The following ZBTB7C variants were observed in gnomAD, a reference collection of about 807,000 sequenced individuals.
The protein encoded by ZBTB7C is zinc finger and BTB domain-containing protein 7C.
Under a neutral mutation model 25.7 loss-of-function variants are expected in ZBTB7C, and 8 were observed. The observed-to-expected ratio is 0.31, with a 90% CI of 0.18 to 0.56. The LOEUF (loss-of-function observed/expected upper bound fraction) is 0.56, where lower values mean the gene tolerates loss of function less well. Ranked by LOEUF, ZBTB7C falls within the 20% of genes least tolerant of loss-of-function variation. The pLI, the probability that ZBTB7C is intolerant of heterozygous loss-of-function variation, is 0.91. For missense variants in ZBTB7C, 824 were observed against 855.2 expected, an observed-to-expected ratio of 0.96 and a Z score of 0.46; for synonymous variants, 394 against 369.0, an observed-to-expected ratio of 1.07 and a Z score of -0.78.
At chr18:48,116,126 G>A (rs988191185) in intron 3 of ZBTB7C, among the ~76,000 whole-genome samples, 18 of 151,898 alleles carry the variant, frequency 1.2e-4, no homozygotes, top group African/African-American at 1.4e-4. Context: ...CCTCTACACC[G>A]TCCCCCACCC....
intron 3 of ZBTB7C, among the ~76,000 whole-genome samples, chr18:48,144,045 A>C (rs534388663): frequency 6.6e-6 from 1 of 152,288 alleles, no homozygotes; most frequent in African/African-American, 2.4e-5. Context: ...TGGGAGGCCG[A>C]GGTGGGCGGA....
chr18:48,091,492 G>T (rs1390023142), intron 3 of ZBTB7C, among the ~76,000 whole-genome samples: 1 of 152,012 alleles, frequency 6.6e-6, no homozygotes, highest in Non-Finnish European at 1.5e-5. Context: ...CAGAACTTGG[G>T]GTGTTCACAT....
intron 1 of ZBTB7C, among the ~76,000 whole-genome samples, chr18:48,343,534 C>T (rs982062207): frequency 6.6e-6 from 1 of 152,216 alleles, no homozygotes; most frequent in Non-Finnish European, 1.5e-5. Context: ...CTGGAGGCCG[C>T]ATTGCTGGCT....
intron 1 of ZBTB7C, among the ~76,000 whole-genome samples, chr18:48,400,222 C>T (rs1357393971): frequency 5.3e-5 from 8 of 152,206 alleles, no homozygotes; most frequent in Non-Finnish European, 1.2e-4. Flanking sequence ...TTTGTAAGGA[C>T]ATCCTTTCAA....
At chr18:48,206,480 C>T (rs1233956934) in intron 2 of ZBTB7C, among the ~76,000 whole-genome samples, 2 of 151,924 alleles carry the variant, frequency 1.3e-5, no homozygotes, top group African/African-American at 4.8e-5. Flanking sequence ...TATGGTGAAA[C>T]CCTGTCTCTA....
At chr18:48,232,925 G>A (rs955414647) in intron 2 of ZBTB7C, among the ~76,000 whole-genome samples, 4 of 152,182 alleles carry the variant, frequency 2.6e-5, no homozygotes, top group African/African-American at 9.7e-5. Flanking sequence ...AGTGTTGGAG[G>A]TGAAGGCTAT....
At chr18:48,309,597 G>C (rs1368081275) in intron 2 of ZBTB7C, among the ~76,000 whole-genome samples, 1 of 152,134 alleles carries the variant, frequency 6.6e-6, no homozygotes, top group Non-Finnish European at 1.5e-5. Context: ...AAAGGAAACG[G>C]TACCAAATTG....
At chr18:48,221,876 C>CCTGGTCTCCTCTATACTGT (rs1568312199) in intron 2 of ZBTB7C, among the ~76,000 whole-genome samples, 12 of 130,094 alleles carry the variant, frequency 9.2e-5, no homozygotes, top group African/African-American at 2.4e-4. Context: ...TCTATACTGT[C>CCTGGTCTCCTCTATACTGT]CTAGTCTCCT....
intron 1 of ZBTB7C, among the ~76,000 whole-genome samples, chr18:48,348,856 T>C (rs1020887616): frequency 6.6e-6 from 1 of 152,170 alleles, no homozygotes; most frequent in Non-Finnish European, 1.5e-5. Flanking sequence ...TGATCTGCCA[T>C]AGAGGCTAAG....
At chr18:48,136,982 C>T (rs1336379375) in intron 3 of ZBTB7C, 1 of 984,584 alleles carries the variant, frequency 1.0e-6, no homozygotes, top group Admixed American at 6.2e-5. Context: ...AGCCCAGAGG[C>T]GGGCCGAGGC....
At chr18:48,195,549 CCT>C (rs1568294898) in intron 2 of ZBTB7C, among the ~76,000 whole-genome samples, 2 of 152,176 alleles carry the variant, frequency 1.3e-5, no homozygotes, top group Admixed American at 6.5e-5. Context: ...ATCCATTAAA[CCT>C]CTTTTTCTTT....
At chr18:48,053,065 T>C (rs749588176) in intron 3 of ZBTB7C, among the ~76,000 whole-genome samples, 11 of 152,198 alleles carry the variant, frequency 7.2e-5, no homozygotes, top group African/African-American at 1.4e-4. Context: ...ACGAGTGTTC[T>C]ACAAGGTCAA....
rs2047701407 is a variant in ZBTB7C, at chr18:48,384,451, C to T, written c.-304+24775G>A. Among the ~76,000 whole-genome samples the T allele has an allele frequency of 2.0e-5, 3 of 152,192 alleles. No individual in the cohort carries two copies. The South Asian group carries it at 6.2e-4, about 32-fold the overall frequency. ...TGAAAGGGCAGTCTGCCCCTTCTCC[C>T]TCTCAATACATTCCTAGAATAGAGG... is the stretch of plus-strand genomic sequence containing the variant. On this transcript the variant is annotated intron_variant, in intron 1 of 4. Coordinates refer to ENST00000590800, the MANE Select transcript of ZBTB7C (RefSeq NM_001318841.2).
intron 2 of ZBTB7C, among the ~76,000 whole-genome samples, chr18:48,308,440 A>G (rs574450989): frequency 2.0e-5 from 3 of 152,046 alleles, no homozygotes; most frequent in Non-Finnish European, 4.4e-5. Flanking sequence ...GGCTGGCCAG[A>G]GTCCTTCTGC....
intron 3 of ZBTB7C, chr18:48,150,338 T>C (rs2040635940): frequency 6.6e-6 from 1 of 151,928 alleles, no homozygotes; most frequent in Non-Finnish European, 1.5e-5. Flanking sequence ...TCCCAGCACT[T>C]TGGGAGACCG....
chr18:48,264,573 G>A (rs2044258412), intron 2 of ZBTB7C, among the ~76,000 whole-genome samples: 1 of 152,138 alleles, frequency 6.6e-6, no homozygotes, highest in Admixed American at 6.5e-5. Flanking sequence ...CCAATGTGCT[G>A]GAAAGCAGTG....
At chr18:48,141,638 C>CG (rs2040353620) in intron 3 of ZBTB7C, among the ~76,000 whole-genome samples, 1 of 152,128 alleles carries the variant, frequency 6.6e-6, no homozygotes, top group Admixed American at 6.5e-5. Flanking sequence ...GCGTGGGCAG[C>CG]GGGTCAGTCT....
intron 2 of ZBTB7C, among the ~76,000 whole-genome samples, chr18:48,208,696 G>A (rs1944576): frequency 0.14 from 21,554 of 152,172 alleles, 1,695 homozygotes; most frequent in South Asian, 0.23. Context: ...GGCCTGGCTC[G>A]GAAGCCCCTG....
chr18:48,086,760 T>C (rs994434069), intron 3 of ZBTB7C, among the ~76,000 whole-genome samples: 2 of 152,240 alleles, frequency 1.3e-5, no homozygotes, highest in African/African-American at 2.4e-5. Context: ...TTAGTACTTA[T>C]TGTTAAGTGA....
Sources: gnomAD v4.1 joint callset for allele counts (sites outside exome capture counted in the v4.1 genomes callset) on GRCh38, gnomAD v4.1.1 for gene constraint, MANE v1.5 for transcripts, NCBI Gene and HGNC (gene_info 2026-07-23, HGNC 2026-07-21) for gene names.